Variants in HINT3 observed in about 807,000 individuals in gnomAD.
HINT3 encodes the protein histidine triad nucleotide binding protein 3, also known as adenosine 5'-monophosphoramidase HINT3.
Under a neutral mutation model 19.1 loss-of-function variants are expected in HINT3, and 16 were observed. The ratio of observed to expected loss-of-function variants is 0.84; its 90% CI spans 0.57 to 1.27. HINT3 has a LOEUF of 1.27. Ranked by LOEUF, HINT3 falls within the 50% of genes most tolerant of loss-of-function variation. HINT3 has a pLI of 0.00. For missense variants in HINT3, 197 were observed against 225.8 expected, an observed-to-expected ratio of 0.87 and a Z score of 0.82; for synonymous variants, 75 against 84.8, an observed-to-expected ratio of 0.88 and a Z score of 0.63.
rs866242819 is a variant in HINT3 at position 125,962,239 on chromosome 6, T to C, written c.202-4648T>C. Among the ~76,000 whole-genome samples, 168 of 46,390 alleles carry C rather than the reference T, an allele frequency of 3.6e-3. 15 individuals carry two copies. Among genetic ancestry groups the C allele is most frequent in the Non-Finnish European group, 3.7e-3 (107 of 28,780 alleles). 30.4% of individuals were successfully genotyped at this position (46,390 alleles called of 152,430 possible). ...ATATATATATATATATATATACACA[T>C]ATATATATATACACACATATATATA... On this transcript the variant is annotated intron_variant, in intron 1 of 4. Coordinates refer to ENST00000229633, the MANE Select transcript of HINT3 (RefSeq NM_138571.5).
chr6:125,962,558 A>G lies in HINT3; in HGVS notation c.202-4329A>G, dbSNP rs181293819. On this transcript the variant is annotated intron_variant, in intron 1 of 4. Coordinates refer to ENST00000229633, the MANE Select transcript of HINT3 (RefSeq NM_138571.5). ...TCATTCAAATATATTCATTGCAAAC[A>G]TTTAGAAACTGTTGGGTTTATATAA... Among the ~76,000 whole-genome samples the G allele has an allele frequency of 1.9e-3, 286 of 152,218 alleles. 1 individual carries two copies. The highest frequency in any genetic ancestry group is 1.0e-3 in the Non-Finnish European group (68 of 68,008).
At chr6:125,961,391 T>C (rs1407091641) in intron 1 of HINT3, among the ~76,000 whole-genome samples, 1 of 152,164 alleles carries the variant, frequency 6.6e-6, no homozygotes, top group African/African-American at 2.4e-5. Context: ...TTATACTATC[T>C]ACCTGATGAT....
In HINT3 at chr6:125,962,209, T is replaced by TATAC. The variant is rs1307137196; in HGVS notation, c.202-4677_202-4676insTACA. Among the ~76,000 whole-genome samples the TATAC allele has an allele frequency of 9.4e-4, 19 of 20,270 alleles. 2 individuals are homozygous for TATAC. In the East Asian group the frequency reaches 0.025, roughly 26 times the overall value. 13.3% of individuals were successfully genotyped at this position (20,270 alleles called of 152,430 possible). ...ATACACATATATATATATATATATA[T>TATAC]ACACATATATATATATATATATATA... On this transcript the variant is annotated intron_variant, in intron 1 of 4. Coordinates refer to ENST00000229633, the MANE Select transcript of HINT3 (RefSeq NM_138571.5).
chr6:125,970,064 A>AAGGTAGCC, intron 2 of HINT3, among the ~76,000 whole-genome samples: 3 of 152,248 alleles, frequency 2.0e-5, no homozygotes, highest in Admixed American at 2.0e-4. Context: ...TCAATATTTT[A>AAGGTAGCC]AGGTAGCCTA....
chr6:125,975,036 T>C, intron 4 of HINT3, 63 bp downstream of exon 4: 1 of 1,550,930 alleles, frequency 6.4e-7, no homozygotes. Context: ...TCATTGTAGT[T>C]TTTTCTTCTC....
At chr6:125,969,296 T>C (rs1215373646) in intron 2 of HINT3, among the ~76,000 whole-genome samples, 2 of 152,230 alleles carry the variant, frequency 1.3e-5, no homozygotes, top group Non-Finnish European at 2.9e-5. Context: ...GTCAACTTTG[T>C]TGAAGATCAG....
chr6:125,966,022 A>G (rs776518914), intron 1 of HINT3, among the ~76,000 whole-genome samples: 1 of 152,328 alleles, frequency 6.6e-6, no homozygotes, highest in Non-Finnish European at 1.5e-5. Context: ...CATTGCATTC[A>G]TGGATTTTTT....
intron 1 of HINT3, 21 bp downstream of exon 1, chr6:125,957,199 G>A (rs775078961): frequency 7.8e-6 from 12 of 1,536,616 alleles, no homozygotes; most frequent in African/African-American, 1.4e-5. Context: ...ACGCGCGGCC[G>A]GGGGTGGGTG....
chr6:125,971,700 A>C (rs1483699132), intron 2 of HINT3, among the ~76,000 whole-genome samples: 45 of 70,062 alleles, frequency 6.4e-4, no homozygotes, highest in Admixed American at 1.0e-3. Flanking sequence ...ATGCCTGGCT[A>C]CCTTTTTTTT....
Position 125,960,671 on chromosome 6 carries a change from A to AGCGG in HINT3, c.201+3493_201+3494insGCGG, listed in dbSNP as rs1562211533. 5.4e-5 allele frequency among the ~76,000 whole-genome samples: 5 copies of AGCGG among 92,516 alleles called. No individual in the cohort carries two copies. The South Asian group carries it at 1.6e-3, about 30-fold the overall frequency. 60.7% of individuals were successfully genotyped at this position (92,516 alleles called of 152,430 possible). On this transcript the variant is annotated intron_variant, in intron 1 of 4. Coordinates refer to ENST00000229633, the MANE Select transcript of HINT3 (RefSeq NM_138571.5). ...GACTCTCTCTGGGGGGGGGGAAAAA[A>AGCGG]AAAGAAGTTAGGGCAAGCAAGTGGC...
chr6:125,974,775 ATG>A (rs1789156948), intron 3 of HINT3, 70 bp from the exon 4 acceptor site: 1 of 1,462,452 alleles, frequency 6.8e-7, no homozygotes, highest in Admixed American at 1.9e-5. Context: ...ATTAAAATTT[ATG>A]TGTTTTCACC....
chr6:125,959,793 G>A (rs746425688), intron 1 of HINT3, among the ~76,000 whole-genome samples: 9 of 152,162 alleles, frequency 5.9e-5, no homozygotes, highest in Non-Finnish European at 1.3e-4. Context: ...AAAATGGCCC[G>A]GCGGGTAGAA....
chr6:125,974,281 C>G (rs1020250875), intron 3 of HINT3, among the ~76,000 whole-genome samples: 11 of 152,152 alleles, frequency 7.2e-5, no homozygotes, highest in African/African-American at 2.7e-4. Context: ...TTAGGAAGCA[C>G]ATAATTATCA....
chr6:125,966,356 A>C (rs575233273), intron 1 of HINT3, among the ~76,000 whole-genome samples: 134 of 152,310 alleles, frequency 8.8e-4, no homozygotes, highest in African/African-American at 2.7e-3. Context: ...TCTTTTTAAT[A>C]CTGTAAAGTG....
chr6:125,962,203 TATATATACAC>T (rs1788941097), intron 1 of HINT3, among the ~76,000 whole-genome samples: 3 of 47,512 alleles, frequency 6.3e-5, no homozygotes, highest in African/African-American at 1.9e-4. Context: ...TATATATATA[TATATATACAC>T]ATATATATAT....
intron 1 of HINT3, among the ~76,000 whole-genome samples, chr6:125,961,205 A>G (rs1788920420): frequency 2.0e-5 from 3 of 152,198 alleles, no homozygotes; most frequent in Non-Finnish European, 2.9e-5. Flanking sequence ...GGGAATATAT[A>G]CAATAGCCCA....
chr6:125,977,598 A>G, intron 4 of HINT3, 46 bp from the exon 5 acceptor site: 1 of 993,984 alleles, frequency 1.0e-6, no homozygotes, highest in Non-Finnish European at 1.5e-6. Context: ...ATTATTTGAT[A>G]GAGACTATGA....
intron 1 of HINT3, among the ~76,000 whole-genome samples, chr6:125,960,321 G>T (rs1387782766): frequency 6.6e-6 from 1 of 152,178 alleles, no homozygotes; most frequent in Admixed American, 6.5e-5. Context: ...CCAGGGTTGG[G>T]ATTTTGCCAT....
intron 1 of HINT3, among the ~76,000 whole-genome samples, chr6:125,962,161 CACATATATATATATATATATATAT>C (rs1788935705): frequency 1.0e-5 from 1 of 99,844 alleles, no homozygotes; most frequent in African/African-American, 4.5e-5. Flanking sequence ...TATATATATA[CACATATATATATATATATATATAT>C]ACACATATAT....
Sources: allele counts gnomAD v4.1 joint callset (sites outside exome capture counted in the v4.1 genomes callset), GRCh38; gene constraint gnomAD v4.1.1; transcripts MANE v1.5; gene names NCBI Gene and HGNC (gene_info 2026-07-23, HGNC 2026-07-21).